Variants in FAM114A2 observed in about 807,000 individuals in gnomAD.
FAM114A2 encodes the protein family with sequence similarity 114 member A2, also known as protein FAM114A2.
FAM114A2 carries 53 observed loss-of-function variants against 58.4 expected under a neutral mutation model. That is an observed-to-expected ratio of 0.91 (90% confidence interval 0.73 to 1.14). The LOEUF is 1.14. FAM114A2 is among the 50% of genes most tolerant of loss of function. FAM114A2 has a pLI of 0.00. For missense variants in FAM114A2, 601 were observed against 581.1 expected (o/e 1.03, Z -0.35); for synonymous variants, 228 against 211.4 (o/e 1.08, Z -0.68).
Position 154,002,796 on chromosome 5 carries a change from A to C in FAM114A2, c.1116+51T>G, listed in dbSNP as rs373865452. ...AGGAGCCTGGGTCCCTGATTGTGAC[A>C]CATTTCAAATCTACTAAAACAAACA... On this transcript the variant is annotated intron_variant, in intron 10 of 13. Coordinates refer to ENST00000351797, the MANE Select transcript of FAM114A2 (RefSeq NM_018691.4). 5 of 1,601,942 alleles carry C rather than the reference A, an allele frequency of 3.1e-6. No individual in the cohort carries two copies. In the African/African-American group the frequency reaches 6.7e-5, roughly 22 times the overall value.
intron 9 of FAM114A2, among the ~76,000 whole-genome samples, chr5:154,009,732 C>T (rs969110360): frequency 6.6e-6 from 1 of 152,144 alleles, no homozygotes; most frequent in Non-Finnish European, 1.5e-5. Context: ...AATGTATAAA[C>T]TGACATTAAT....
chr5:154,023,847 T>C (rs930895470), intron 8 of FAM114A2, among the ~76,000 whole-genome samples: 3 of 151,976 alleles, frequency 2.0e-5, no homozygotes, highest in Admixed American at 6.6e-5. Context: ...ATAAATGATA[T>C]ACATGTATAT....
intron 4 of FAM114A2, among the ~76,000 whole-genome samples, chr5:154,031,637 T>A (rs1165519492): frequency 3.3e-5 from 5 of 152,200 alleles, no homozygotes; most frequent in Admixed American, 2.0e-4. Context: ...AAAACTTAAC[T>A]CTATATAACT....
intron 3 of FAM114A2, 132 bp from the exon 4 acceptor site, chr5:154,034,015 G>T: frequency 1.5e-6 from 1 of 672,580 alleles, no homozygotes; most frequent in Non-Finnish European, 2.6e-6. Context: ...ACTAATCTTG[G>T]CACTATTTCC....
intron 8 of FAM114A2, among the ~76,000 whole-genome samples, chr5:154,015,661 C>T (rs1434052161): frequency 6.6e-6 from 1 of 152,090 alleles, no homozygotes; most frequent in Non-Finnish European, 1.5e-5. Flanking sequence ...ACACAGCCCA[C>T]CCAAATGAGA....
intron 9 of FAM114A2, among the ~76,000 whole-genome samples, chr5:154,006,451 T>C (rs79412680): frequency 0.011 from 1,713 of 152,148 alleles, 40 homozygotes; most frequent in African/African-American, 0.039. Flanking sequence ...GCCATACAAA[T>C]AGTTAGGCAA....
intron 11 of FAM114A2, among the ~76,000 whole-genome samples, chr5:154,000,622 C>A (rs1180616343): frequency 6.6e-6 from 1 of 152,070 alleles, no homozygotes; most frequent in African/African-American, 2.4e-5. Context: ...TAAAACATAA[C>A]CCATACAGAT....
intron 8 of FAM114A2, among the ~76,000 whole-genome samples, chr5:154,018,338 C>A (rs1771182789): frequency 6.6e-6 from 1 of 152,036 alleles, no homozygotes; most frequent in Non-Finnish European, 1.5e-5. Flanking sequence ...TGGAAAGATA[C>A]AACCCTCCTA....
rs769372299 is a variant in FAM114A2 at position 154,011,317 on chromosome 5, T to C, written c.917A>G (p.Asp306Gly). Residue 306 changes from aspartate (D) to glycine (G), a missense_variant, in exon 9 of 14, where the codon GAT becomes GGT. Transcript: ENST00000351797. The part of the protein sequence containing the change: ...CEEEEEEKKG[D>G]EDFTKDITEL... ...TGTTATGTCCTTGGTAAAATCTTCATCCCCTAAAAAACCAAGTCCCATATA... is the reference window on the plus strand; with the variant it reads ...TGTTATGTCCTTGGTAAAATCTTCACCCCCTAAAAAACCAAGTCCCATATA... 8 of 1,610,760 alleles carry C rather than the reference T, an allele frequency of 5.0e-6. No individual in the cohort carries two copies. The Admixed American group carries it at 5.0e-5, about 10-fold the overall frequency.
chr5:154,026,261 G>T (rs1321896666), intron 8 of FAM114A2, 138 bp downstream of exon 8: 6 of 582,294 alleles, frequency 1.0e-5, no homozygotes, highest in Non-Finnish European at 1.6e-5. Context: ...ATTTTACACA[G>T]AGAATTTGCA....
At chr5:154,034,599 CT>C in intron 2 of FAM114A2, 144 bp downstream of exon 2, 1 of 689,870 alleles carries the variant, frequency 1.4e-6, no homozygotes, top group Non-Finnish European at 2.5e-6. Context: ...ATTTATAGAA[CT>C]GAAAAGACTG....
In FAM114A2 at chr5:154,004,841, T is replaced by C. The variant is rs180774098; in HGVS notation, c.994-1872A>G. ...CTTCCAAAATGCTACCAGTGATCTG[T>C]CTTAAGCCCAGGGCTGACCATTCCT... On this transcript the variant is annotated intron_variant, in intron 9 of 13. Transcript: ENST00000351797. 1.1e-4 allele frequency among the ~76,000 whole-genome samples: 16 copies of C among 152,292 alleles called. No individual in the cohort carries two copies. The East Asian group carries it at 2.9e-3, about 28-fold the overall frequency.
At position 154,027,207 on chromosome 5, in the gene FAM114A2, A is replaced by G. The variant is rs1330036795; in HGVS notation, c.758T>C (p.Leu253Pro). 1 of 1,612,144 alleles carries G rather than the reference A, an allele frequency of 6.2e-7. No individual in the cohort carries two copies. The highest frequency in any genetic ancestry group is 1.3e-5 in the African/African-American group (1 of 74,784). ...TTCACTTTCTTGGGAAAGCATCTCC[A>G]GAGCTTCTAGATGTGAAAGGCCTTG... is the stretch of plus-strand genomic sequence containing the variant. ...EFQGLSHLEA[L>P]EMLSQESEIK... The change falls in exon 7 of 14, where the codon CTG becomes CCG. Residue 253 changes from leucine (L) to proline (P), a missense_variant. Leu to Pro is a moderately conservative substitution (Grantham distance 98). Coordinates refer to ENST00000351797, the MANE Select transcript of FAM114A2 (RefSeq NM_018691.4).
intron 9 of FAM114A2, among the ~76,000 whole-genome samples, chr5:154,007,240 T>C (rs534554901): frequency 2.9e-4 from 44 of 152,298 alleles, no homozygotes; most frequent in African/African-American, 1.1e-3. Flanking sequence ...CACGACCACA[T>C]TTCAGTCTGG....
rs528100856 is a variant in FAM114A2 at position 153,993,090 on chromosome 5, G to A, written c.1404C>T (p.Tyr468=). Reference sequence around the variant, plus strand: ...AGAGTAGCTGAAAGGCGTCCTGGATGTAGGAGGCACTGTTTGATGCCTGCC... The same window carrying A: ...AGAGTAGCTGAAAGGCGTCCTGGATATAGGAGGCACTGTTTGATGCCTGCC... The part of the protein sequence containing the change: ...VFLEASNSAS[Y]IQDAFQLLLP... The change falls in exon 14 of 14, where the codon TAC becomes TAT. Residue 468 remains tyrosine, a synonymous_variant. Coordinates refer to ENST00000351797, the MANE Select transcript of FAM114A2 (RefSeq NM_018691.4). 2.9e-5 allele frequency: 47 copies of A among 1,611,020 alleles called. No individual in the cohort carries two copies. The African/African-American group carries it at 4.1e-4, about 14-fold the overall frequency.
At chr5:154,020,940 T>A (rs569530899) in intron 8 of FAM114A2, among the ~76,000 whole-genome samples, 1 of 152,256 alleles carries the variant, frequency 6.6e-6, no homozygotes, top group South Asian at 2.1e-4. Context: ...CCAAAAAGCT[T>A]ATCCACCAAG....
At chr5:154,000,659 C>G (rs1769912242) in intron 11 of FAM114A2, among the ~76,000 whole-genome samples, 1 of 152,126 alleles carries the variant, frequency 6.6e-6, no homozygotes, top group Admixed American at 6.5e-5. Flanking sequence ...ATGCCTAAAT[C>G]AGCCACCTGA....
intron 7 of FAM114A2, 136 bp downstream of exon 7, chr5:154,027,040 T>C: frequency 1.6e-6 from 1 of 620,908 alleles, no homozygotes; most frequent in Non-Finnish European, 2.8e-6. Context: ...ATTTATTTTG[T>C]GGTAGTATTT....
intron 11 of FAM114A2, among the ~76,000 whole-genome samples, chr5:154,000,730 A>C (rs1174914073): frequency 6.6e-6 from 1 of 152,194 alleles, no homozygotes; most frequent in East Asian, 1.9e-4. Flanking sequence ...TTCAGTCCTT[A>C]GAAAAACATT....
Sources: gnomAD v4.1 joint callset for allele counts (sites outside exome capture counted in the v4.1 genomes callset) on GRCh38, gnomAD v4.1.1 for gene constraint, MANE v1.5 for transcripts, NCBI Gene and HGNC (gene_info 2026-07-23, HGNC 2026-07-21) for gene names.